CHURC1: variants seen among roughly 807,000 people sequenced by gnomAD.
CHURC1 encodes protein Churchill.
A neutral mutation model predicts 15.4 loss-of-function variants in CHURC1; 12 were observed. The ratio of observed to expected loss-of-function variants is 0.78; its 90% CI spans 0.50 to 1.27. The LOEUF is 1.27. CHURC1 is among the 50% of genes most tolerant of loss of function. The probability of loss-of-function intolerance (pLI) is 0.00; values close to 1 mark genes in which losing one functional copy is unlikely to be tolerated. For synonymous variants in CHURC1, 42 were observed against 47.5 expected (o/e 0.88, Z 0.48); for missense variants, 132 against 137.8 (o/e 0.96, Z 0.21).
At chr14:64,915,046 G>A (rs12147448) in intron 1 of CHURC1, among the ~76,000 whole-genome samples, 138,274 of 152,316 alleles carry the variant, frequency 0.91, 63,557 homozygotes, top group Non-Finnish European at 0.98. Context: ...ACCGCCTTCT[G>A]AATCTCAGTT....
At chr14:64,917,475 A>G (rs545156336) in intron 1 of CHURC1, among the ~76,000 whole-genome samples, 33 of 152,344 alleles carry the variant, frequency 2.2e-4, no homozygotes, top group Admixed American at 5.2e-4. Flanking sequence ...AGGCGGTAGA[A>G]TCGCTTGAAC....
chr14:64,930,763 A>T, intron 3 of CHURC1: 1 of 435,380 alleles, frequency 2.3e-6, no homozygotes. Flanking sequence ...TCTCTTTTTG[A>T]CTCTTTACTT....
intron 3 of CHURC1, among the ~76,000 whole-genome samples, chr14:64,926,698 A>C (rs1203525159): frequency 6.6e-6 from 1 of 152,212 alleles, no homozygotes; most frequent in East Asian, 1.9e-4. Context: ...ATTTGTGGTA[A>C]GACATTATAG....
At chr14:64,915,381 A>C (rs902089694) in intron 1 of CHURC1, among the ~76,000 whole-genome samples, 1 of 152,248 alleles carries the variant, frequency 6.6e-6, no homozygotes, top group African/African-American at 2.4e-5. Flanking sequence ...TGTGACTAAC[A>C]AAAAATGAGT....
intron 3 of CHURC1, among the ~76,000 whole-genome samples, chr14:64,931,463 G>A (rs1427488025): frequency 6.6e-6 from 1 of 152,012 alleles, no homozygotes; most frequent in Non-Finnish European, 1.5e-5. Context: ...GAGCACAGGA[G>A]GTCAAGGCTG....
In CHURC1 at chr14:64,933,542, A is replaced by G. The variant is rs1566833372; in HGVS notation, c.*1312A>G. On this transcript the variant is annotated 3_prime_UTR_variant, in exon 4 of 4. Transcript: ENST00000549115. The stretch of plus-strand genomic sequence containing the variant: ...TATTGTCCTGTTTCTATCAAATTGG[A>G]CTAACAAAAATTGATATAATACATT... 3.1e-6 allele frequency: 3 copies of G among 977,726 alleles called. No individual in the cohort carries two copies. Among genetic ancestry groups the G allele is most frequent in the East Asian group, 1.1e-4 (1 of 8,794 alleles). The allele number at this position is 977,726 out of a possible 1,614,324, so 60.6% of individuals were successfully genotyped here.
intron 2 of CHURC1, 127 bp from the exon 3 acceptor site, chr14:64,925,883 T>G (rs1884663096): frequency 1.7e-6 from 1 of 576,856 alleles, no homozygotes; most frequent in Non-Finnish European, 2.9e-6. Flanking sequence ...ATAATGGGTT[T>G]CCTCCTATGT....
At position 64,935,103 on chromosome 14, in the gene CHURC1, A is replaced by T. The variant is rs1054036292; in HGVS notation, c.*2873A>T. On this transcript the variant is annotated 3_prime_UTR_variant, in exon 4 of 4. Transcript: ENST00000549115. ...GCAAGGACAAAAAACCAAACACCACATGTTCTCACTCATAGATAGGAATTG... is the reference window on the plus strand; with the variant it reads ...GCAAGGACAAAAAACCAAACACCACTTGTTCTCACTCATAGATAGGAATTG... 1.7e-5 allele frequency: 8 copies of T among 464,574 alleles called. No individual in the cohort carries two copies. Among genetic ancestry groups the T allele is most frequent in the Non-Finnish European group, 2.3e-5 (8 of 355,510 alleles). 28.8% of individuals were successfully genotyped at this position (464,574 alleles called of 1,614,324 possible).
intron 1 of CHURC1, among the ~76,000 whole-genome samples, chr14:64,923,709 C>G (rs1024270127): frequency 8.0e-5 from 12 of 149,332 alleles, no homozygotes; most frequent in African/African-American, 2.9e-4. Context: ...TTCTAAATAT[C>G]TATTTTCAGT....
intron 3 of CHURC1, among the ~76,000 whole-genome samples, 179 bp downstream of exon 3, chr14:64,926,259 C>A: frequency 7.6e-6 from 1 of 131,980 alleles, no homozygotes; most frequent in Non-Finnish European, 1.5e-5. Context: ...GTTGCCCAGG[C>A]TGGTATTGAA....
At chr14:64,926,687 C>T (rs988573357) in intron 3 of CHURC1, among the ~76,000 whole-genome samples, 2 of 152,118 alleles carry the variant, frequency 1.3e-5, no homozygotes, top group Non-Finnish European at 2.9e-5. Flanking sequence ...TCTGCAGTCT[C>T]ATTTGTGGTA....
chr14:64,925,713 A>AAAAG (rs1555383534), intron 2 of CHURC1, among the ~76,000 whole-genome samples: 3 of 151,696 alleles, frequency 2.0e-5, no homozygotes, highest in African/African-American at 7.3e-5. Flanking sequence ...AAAAAAAAAA[A>AAAAG]AAAAGAAATT....
Position 64,922,936 on chromosome 14 carries a change from A to C in CHURC1, c.40-1055A>C, listed in dbSNP as rs952326174. Among the ~76,000 whole-genome samples, 6 of 152,314 alleles carry C rather than the reference A, an allele frequency of 3.9e-5. No homozygotes were observed. The East Asian group carries it at 9.7e-4, about 25-fold the overall frequency. On this transcript the variant is annotated intron_variant, in intron 1 of 3. Transcript: ENST00000549115. The stretch of plus-strand genomic sequence containing the variant: ...CGCTGATGCTTCTTAAAACTCCTTG[A>C]AGGTAGCAACATGTTTGGCTCATCT...
intron 3 of CHURC1, chr14:64,930,949 AC>A (rs566480777): frequency 1.5e-5 from 6 of 411,358 alleles, no homozygotes; most frequent in Admixed American, 3.2e-5. Flanking sequence ...TCCTGAACTC[AC>A]CAGTAGAAGA....
chr14:64,932,652 A>AG lies in CHURC1; in HGVS notation c.*422_*423insG, dbSNP rs1885144663. The AG allele has an allele frequency of 5.4e-6, 1 of 183,904 alleles. No homozygotes were observed. The highest frequency in any genetic ancestry group is 2.4e-5 in the African/African-American group (1 of 41,732). 11.4% of individuals were successfully genotyped at this position (183,904 alleles called of 1,614,324 possible). ...TGAAGTACTGAAATTAAAAAAAAAA[A>AG]ATCATAGTGATTGGGAGTATGTCAG... On this transcript the variant is annotated 3_prime_UTR_variant, in exon 4 of 4. Coordinates refer to ENST00000549115, the MANE Select transcript of CHURC1 (RefSeq NM_001386928.1).
intron 2 of CHURC1, 113 bp from the exon 3 acceptor site, chr14:64,925,897 A>G: frequency 1.4e-6 from 1 of 706,470 alleles, no homozygotes; most frequent in East Asian, 2.9e-5. Flanking sequence ...CCTATGTTAA[A>G]TATGACAGAC....
At chr14:64,926,816 C>A (rs967144356) in intron 3 of CHURC1, among the ~76,000 whole-genome samples, 1 of 152,150 alleles carries the variant, frequency 6.6e-6, no homozygotes, top group Non-Finnish European at 1.5e-5. Context: ...AATCCTTACA[C>A]AATTGTGAGA....
chr14:64,933,489 T>A lies in CHURC1; in HGVS notation c.*1259T>A, dbSNP rs1168340200. Reference sequence around the variant, plus strand: ...TCTCTGCCATTTAGTAGCAGTATAGTCATTAAGCAAAGCATTACTCTGGAC... The same window carrying A: ...TCTCTGCCATTTAGTAGCAGTATAGACATTAAGCAAAGCATTACTCTGGAC... On this transcript the variant is annotated 3_prime_UTR_variant, in exon 4 of 4. Transcript: ENST00000549115. 1 of 985,022 alleles carries A rather than the reference T, an allele frequency of 1.0e-6. No individual in the cohort carries two copies. The highest frequency in any genetic ancestry group is 1.1e-4 in the East Asian group (1 of 8,838). 61.0% of individuals were successfully genotyped at this position (985,022 alleles called of 1,614,324 possible). A position where few individuals can be genotyped will look rare whatever the true frequency, so the allele number is the denominator to read the frequency against.
chr14:64,924,208 A>T, intron 2 of CHURC1, 82 bp downstream of exon 2: 1 of 1,448,852 alleles, frequency 6.9e-7, no homozygotes, highest in Non-Finnish European at 9.2e-7. Context: ...AAATATTCTG[A>T]GGCCTATTTC....
Sources: allele counts gnomAD v4.1 joint callset (sites outside exome capture counted in the v4.1 genomes callset), GRCh38; gene constraint gnomAD v4.1.1; transcripts MANE v1.5; gene names NCBI Gene and HGNC (gene_info 2026-07-23, HGNC 2026-07-21).